Variants in PCDHGB7 observed in about 807,000 individuals in gnomAD.
The protein encoded by PCDHGB7 is protocadherin gamma-B7.
A neutral mutation model predicts 61.4 loss-of-function variants in PCDHGB7; 37 were observed. The ratio of observed to expected loss-of-function variants is 0.60; its 90% CI spans 0.46 to 0.79. The LOEUF is 0.79. PCDHGB7 is among the 30% of genes least tolerant of loss of function. The pLI, the probability that PCDHGB7 is intolerant of heterozygous loss-of-function variation, is 0.00. For synonymous variants in PCDHGB7, 464 were observed against 503.5 expected, an observed-to-expected ratio of 0.92 and a Z score of 1.05; for missense variants, 1,166 against 1,202.5, an observed-to-expected ratio of 0.97 and a Z score of 0.45.
chr5:141,446,130 CTT>C (rs1191897284), intron 1 of PCDHGB7, among the ~76,000 whole-genome samples: 2 of 152,076 alleles, frequency 1.3e-5, no homozygotes, highest in African/African-American at 4.8e-5. Context: ...TTCAATAAGA[CTT>C]AATAATGGAA....
chr5:141,427,377 A>C, intron 1 of PCDHGB7: 1 of 458,500 alleles, frequency 2.2e-6, no homozygotes, highest in Non-Finnish European at 4.4e-6. Flanking sequence ...GACGGTGATC[A>C]CTCTGTTCAA....
Position 141,476,708 on chromosome 5 carries a change from T to C in PCDHGB7, c.2416-18099T>C, listed in dbSNP as rs1205987380. The C allele has an allele frequency of 1.2e-6, 2 of 1,614,150 alleles. No homozygotes were observed. The highest frequency in any genetic ancestry group is 8.5e-7 in the Non-Finnish European group (1 of 1,180,024). ...CAGCACCAAGTACGCGGAGCTGGTG[T>C]TGGAGCGCGCCCTGGACCGAGAACG... On this transcript the variant is annotated intron_variant, in intron 1 of 3. Coordinates refer to ENST00000398594, the MANE Select transcript of PCDHGB7 (RefSeq NM_018927.4). The surrounding 1 kb of genome is among the most constrained non-coding windows in gnomAD (Gnocchi z 7.6).
intron 2 of PCDHGB7, among the ~76,000 whole-genome samples, chr5:141,502,988 C>A (rs1285178746): frequency 6.7e-6 from 1 of 150,346 alleles, no homozygotes; most frequent in Non-Finnish European, 1.5e-5. Flanking sequence ...GGATTACAGG[C>A]GTGTGCCACC....
At position 141,491,456 on chromosome 5, in the gene PCDHGB7, C is replaced by G; in HGVS notation, c.2416-3351C>G. On this transcript the variant is annotated intron_variant, in intron 1 of 3. Transcript: ENST00000398594. The surrounding 1 kb of genome is among the most constrained non-coding windows in gnomAD (Gnocchi z 6.9). Reference sequence around the variant, plus strand: ...TGCAGGCGCCAGGACTCACCCTCCCCGGACTTCTATAAGCAGTCCAGCCCC... The same window carrying G: ...TGCAGGCGCCAGGACTCACCCTCCCGGGACTTCTATAAGCAGTCCAGCCCC... 1 of 1,614,104 alleles carries G rather than the reference C, an allele frequency of 6.2e-7. No homozygotes were observed. The highest frequency in any genetic ancestry group is 8.5e-7 in the Non-Finnish European group (1 of 1,180,010).
chr5:141,425,243 G>T (rs2096863760), intron 1 of PCDHGB7, among the ~76,000 whole-genome samples: 1 of 152,132 alleles, frequency 6.6e-6, no homozygotes, highest in Non-Finnish European at 1.5e-5. Flanking sequence ...AAATAAAAAG[G>T]ATATGAGGTA....
chr5:141,425,763 G>A (rs959881638), intron 1 of PCDHGB7, among the ~76,000 whole-genome samples: 3 of 152,164 alleles, frequency 2.0e-5, no homozygotes, highest in Non-Finnish European at 4.4e-5. Context: ...TCTACAACAG[G>A]AGAGAAGACT....
chr5:141,486,637 G>A lies in PCDHGB7; in HGVS notation c.2416-8170G>A, dbSNP rs761072169. On this transcript the variant is annotated intron_variant, in intron 1 of 3. Transcript: ENST00000398594. The surrounding 1 kb of genome is among the most constrained non-coding windows in gnomAD (Gnocchi z 5.0). ...CTGACCCAGACTCTGGCTTGAATGC[G>A]CTTATCTCCTACTCACTCCTGGAGC... 3.1e-5 allele frequency: 50 copies of A among 1,613,520 alleles called. No individual in the cohort carries two copies. The highest frequency in any genetic ancestry group is 5.0e-5 in the Admixed American group (3 of 60,000).
chr5:141,489,096 ACT>A lies in PCDHGB7; in HGVS notation c.2416-5710_2416-5709del. The A allele has an allele frequency of 2.0e-6, 1 of 494,278 alleles. No individual in the cohort carries two copies. The allele number at this position is 494,278 out of a possible 1,614,324, so 30.6% of individuals were successfully genotyped here. A position where few individuals can be genotyped will look rare whatever the true frequency, so the allele number is the denominator to read the frequency against. ...CACCCCCGCCACTCGGTGACTAAGA[ACT>A]GCTGCAAGCAGGCAAACCTCCGAGC... On this transcript the variant is annotated intron_variant, in intron 1 of 3. Coordinates refer to ENST00000398594, the MANE Select transcript of PCDHGB7 (RefSeq NM_018927.4). The surrounding 1 kb of genome is among the most constrained non-coding windows in gnomAD (Gnocchi z 4.5).
Position 141,431,897 on chromosome 5 carries a change from G to A in PCDHGB7, c.2415+11623G>A. On this transcript the variant is annotated intron_variant, in intron 1 of 3. Transcript: ENST00000398594. This position sits in a 1 kb window ranked among gnomAD's most constrained non-coding sequence, Gnocchi z 4.8. ...AAATGACCAAGATTCTGAGGAAAAC[G>A]GACAGGTGATCTGTTTCATCCAAGG... is the stretch of plus-strand genomic sequence containing the variant. 6 of 1,613,830 alleles carry A rather than the reference G, an allele frequency of 3.7e-6. No individual in the cohort carries two copies. The highest frequency in any genetic ancestry group is 5.1e-6 in the Non-Finnish European group (6 of 1,179,704).
chr5:141,478,617 G>A (rs1010415342), intron 1 of PCDHGB7: 1 of 1,556,398 alleles, frequency 6.4e-7, no homozygotes, highest in Non-Finnish European at 8.7e-7. Context: ...AGGAAGGAAT[G>A]GAGCTGTTTT....
intron 1 of PCDHGB7, among the ~76,000 whole-genome samples, chr5:141,483,557 G>A (rs141633312): frequency 4.5e-4 from 69 of 152,276 alleles, no homozygotes; most frequent in Admixed American, 1.9e-3. Context: ...GCCATTCACA[G>A]AGACAGTGAA....
intron 1 of PCDHGB7, 82 bp from the exon 2 acceptor site, chr5:141,494,725 C>T: frequency 6.2e-7 from 1 of 1,610,026 alleles, no homozygotes; most frequent in Middle Eastern, 1.7e-4. Context: ...CCCTCCTTCT[C>T]TCCCGGCCCA....
chr5:141,428,729 ATAT>A (rs2097158318), intron 1 of PCDHGB7: 2 of 159,768 alleles, frequency 1.3e-5, no homozygotes. Flanking sequence ...AATCTTAAAC[ATAT>A]TATATCTACT....
At position 141,497,121 on chromosome 5, in the gene PCDHGB7, G is replaced by T. The variant is rs185298630; in HGVS notation, c.2474+2256G>T. Among the ~76,000 whole-genome samples, 563 of 152,212 alleles carry T rather than the reference G, an allele frequency of 3.7e-3. 5 individuals are homozygous for T. The highest frequency in any genetic ancestry group is 0.011 in the Admixed American group (164 of 15,296). On this transcript the variant is annotated intron_variant, in intron 2 of 3. Coordinates refer to ENST00000398594, the MANE Select transcript of PCDHGB7 (RefSeq NM_018927.4). Reference sequence around the variant, plus strand: ...GAACTGCTTGAACCCGGAAGGCAGAGGTTGCAGTGAGCTGAGATCACGAAA... The same window carrying T: ...GAACTGCTTGAACCCGGAAGGCAGATGTTGCAGTGAGCTGAGATCACGAAA...
chr5:141,495,199 G>A (rs1205495643), intron 2 of PCDHGB7, among the ~76,000 whole-genome samples: 1 of 152,164 alleles, frequency 6.6e-6, no homozygotes, highest in African/African-American at 2.4e-5. Context: ...CCCATGTACT[G>A]CCTAACCCCC....
chr5:141,482,470 C>T (rs768383368), intron 1 of PCDHGB7, among the ~76,000 whole-genome samples: 8 of 137,876 alleles, frequency 5.8e-5, no homozygotes, highest in Non-Finnish European at 1.2e-4. Flanking sequence ...ATGTGCCAGA[C>T]ACTGTAAACA....
At chr5:141,444,188 T>TTTTTTTTTTG (rs2098424052) in intron 1 of PCDHGB7, among the ~76,000 whole-genome samples, 1 of 129,374 alleles carries the variant, frequency 7.7e-6, no homozygotes, top group African/African-American at 3.1e-5. Flanking sequence ...TTTTTTTTTT[T>TTTTTTTTTTG]GAGATGGAGT....
intron 1 of PCDHGB7, among the ~76,000 whole-genome samples, chr5:141,464,454 A>G (rs999305559): frequency 6.6e-6 from 1 of 151,542 alleles, no homozygotes; most frequent in Non-Finnish European, 1.5e-5. Context: ...TGTTGTTGTT[A>G]TTTTTGAAGT....
rs1427934561 is a variant in PCDHGB7, at chr5:141,511,140, CAAG to C, written c.2764_2766del (p.Lys922del). The stretch of plus-strand genomic sequence containing the variant: ...AGGCCCCAGCAGGTGGCAATGGCAA[CAAG>C]AAGAAGTCGGGCAAGAAGGAGAAGA... On this transcript the variant is annotated inframe_deletion, in exon 4 of 4. Coordinates refer to ENST00000398594, the MANE Select transcript of PCDHGB7 (RefSeq NM_018927.4). 9 of 1,614,186 alleles carry C rather than the reference CAAG, an allele frequency of 5.6e-6. No individual in the cohort carries two copies. The East Asian group carries it at 6.7e-5, about 12-fold the overall frequency.
Sources: allele counts gnomAD v4.1 joint callset (sites outside exome capture counted in the v4.1 genomes callset), GRCh38; gene constraint gnomAD v4.1.1; non-coding constraint Gnocchi (gnomAD v3.1); transcripts MANE v1.5; gene names NCBI Gene and HGNC (gene_info 2026-07-23, HGNC 2026-07-21).